The following MCM9 variants were observed in gnomAD, a reference collection of about 807,000 sequenced individuals.
MCM9 encodes the protein minichromosome maintenance 9 homologous recombination repair factor, also known as DNA helicase MCM9.
A neutral mutation model predicts 72.8 loss-of-function variants in MCM9; 55 were observed. That is an observed-to-expected ratio of 0.76 (90% CI 0.61 to 0.95). MCM9 has a LOEUF of 0.95. MCM9 is among the 40% of genes least tolerant of loss of function. MCM9 has a pLI of 0.00. For missense variants in MCM9, 1,279 were observed against 1,377.0 expected (o/e 0.93, Z 1.13); for synonymous variants, 480 against 503.4 (o/e 0.95, Z 0.62).
At chr6:118,828,951 C>T (rs921850092) in intron 10 of MCM9, 97 bp downstream of exon 10, 1 of 1,243,352 alleles carries the variant, frequency 8.0e-7, no homozygotes, top group East Asian at 2.5e-5. Flanking sequence ...ACTACATAGC[C>T]TATCTTGGGT....
At chr6:118,905,730 C>T (rs768084349) in intron 8 of MCM9, 2 of 1,613,124 alleles carry the variant, frequency 1.2e-6, no homozygotes, top group South Asian at 1.1e-5. Flanking sequence ...TTGTACCTAT[C>T]GAGGACAAGA....
chr6:118,908,972 CAA>C (rs1360700023), intron 8 of MCM9: 2 of 152,522 alleles, frequency 1.3e-5, no homozygotes, highest in African/African-American at 4.8e-5. Context: ...ATTTGTGAAG[CAA>C]AGTTTTGCCA....
chr6:118,934,212 A>C (rs553446907), intron 1 of MCM9, among the ~76,000 whole-genome samples: 75 of 152,220 alleles, frequency 4.9e-4, no homozygotes, highest in Non-Finnish European at 8.2e-4. Context: ...ACATCTATGC[A>C]AAACTGACTA....
Position 118,931,411 on chromosome 6 carries a change from G to A in MCM9, c.304+9C>T, listed in dbSNP as rs763107977. On this transcript the variant is annotated intron_variant, in intron 3 of 13. Coordinates refer to ENST00000619706, the MANE Select transcript of MCM9 (RefSeq NM_017696.3). ...GATAGCATGGCAGTAAAATCCTTAA[G>A]TGATTTACCTGATATCCTGGCATGA... The A allele has an allele frequency of 1.3e-6, 2 of 1,599,126 alleles. No homozygotes were observed. The highest frequency in any genetic ancestry group is 1.7e-6 in the Non-Finnish European group (2 of 1,168,932).
intron 8 of MCM9, among the ~76,000 whole-genome samples, chr6:118,910,116 C>CAAAA (rs67533661): frequency 3.6e-5 from 4 of 110,766 alleles, no homozygotes; most frequent in African/African-American, 1.3e-4. Flanking sequence ...GACTCTATCT[C>CAAAA]AAAAAAAAAA....
rs537521668 is a variant in MCM9 at position 118,833,203 on chromosome 6, C to T, written c.1326-3953G>A. ...TGACACGAACAAGAAAAACTTCCTT[C>T]GGCAAAGCATTGCAGGCACGTGGTG... On this transcript the variant is annotated intron_variant, in intron 9 of 13. Transcript: ENST00000619706. Among the ~76,000 whole-genome samples the T allele has an allele frequency of 5.9e-5, 9 of 152,222 alleles. No individual in the cohort carries two copies. The South Asian group carries it at 8.3e-4, about 14-fold the overall frequency.
At chr6:118,888,524 G>A (rs1481132309) in intron 8 of MCM9, among the ~76,000 whole-genome samples, 2 of 151,832 alleles carry the variant, frequency 1.3e-5, no homozygotes, top group Non-Finnish European at 2.9e-5. Context: ...CAGTCTGGTA[G>A]CTCCTAAAAA....
chr6:118,867,407 C>T (rs999908154), intron 8 of MCM9, among the ~76,000 whole-genome samples: 1 of 152,132 alleles, frequency 6.6e-6, no homozygotes, highest in Non-Finnish European at 1.5e-5. Flanking sequence ...CTCCGTTAGT[C>T]ATATAAAAGT....
At chr6:118,866,040 A>G (rs966026668) in intron 8 of MCM9, among the ~76,000 whole-genome samples, 1 of 152,214 alleles carries the variant, frequency 6.6e-6, no homozygotes, top group African/African-American at 2.4e-5. Flanking sequence ...CACATAGCCA[A>G]CACCCCAATC....
intron 8 of MCM9, among the ~76,000 whole-genome samples, chr6:118,901,211 T>TG (rs1779780108): frequency 6.6e-6 from 1 of 152,292 alleles, no homozygotes; most frequent in East Asian, 1.9e-4. Flanking sequence ...ACTTCCAAGG[T>TG]GGCTGTCTAG....
intron 8 of MCM9, chr6:118,911,149 A>G (rs1359769073): frequency 1.2e-5 from 12 of 985,344 alleles, no homozygotes; most frequent in Non-Finnish European, 1.2e-5. Context: ...AAGAATCATT[A>G]CAACTTATGA....
chr6:118,849,011 T>C (rs1776062043), intron 9 of MCM9, among the ~76,000 whole-genome samples: 1 of 151,848 alleles, frequency 6.6e-6, no homozygotes, highest in African/African-American at 2.4e-5. Flanking sequence ...AGCATATTGA[T>C]TATACCAATA....
chr6:118,933,332 C>G (rs1245882805), intron 1 of MCM9, among the ~76,000 whole-genome samples: 7 of 151,706 alleles, frequency 4.6e-5, no homozygotes, highest in Non-Finnish European at 4.4e-5. Context: ...ATCCCGTTCT[C>G]TACTAAAAAA....
At chr6:118,843,705 T>C (rs1414712982) in intron 9 of MCM9, among the ~76,000 whole-genome samples, 1 of 81,776 alleles carries the variant, frequency 1.2e-5, no homozygotes, top group Non-Finnish European at 2.2e-5. Context: ...TATATATATG[T>C]ATGTATATAT....
chr6:118,910,834 TTA>T, intron 8 of MCM9: 2 of 985,426 alleles, frequency 2.0e-6, no homozygotes, highest in East Asian at 2.3e-4. Context: ...TACAGGACCA[TTA>T]ATTGGCCATT....
At chr6:118,874,185 G>A (rs1777791555) in intron 8 of MCM9, among the ~76,000 whole-genome samples, 1 of 152,076 alleles carries the variant, frequency 6.6e-6, no homozygotes, top group Non-Finnish European at 1.5e-5. Context: ...AACCTGGAAG[G>A]CAGAGGTTGC....
chr6:118,840,736 C>G (rs1351282566), intron 9 of MCM9, among the ~76,000 whole-genome samples: 1 of 103,374 alleles, frequency 9.7e-6, no homozygotes, highest in Non-Finnish European at 1.9e-5. Flanking sequence ...CTCTCCTCCC[C>G]CCCCCCTTTT....
chr6:118,885,664 A>T (rs1257012600), intron 8 of MCM9, among the ~76,000 whole-genome samples: 1 of 152,232 alleles, frequency 6.6e-6, no homozygotes, highest in African/African-American at 2.4e-5. Context: ...AGGCAATATT[A>T]GTAATAATAG....
chr6:118,821,679 T>C (rs532780950), intron 13 of MCM9, among the ~76,000 whole-genome samples: 67 of 152,334 alleles, frequency 4.4e-4, no homozygotes, highest in Middle Eastern at 3.4e-3. Flanking sequence ...TCTTGCTAAG[T>C]TGGGGAAGTT....
Sources: allele counts gnomAD v4.1 joint callset (sites outside exome capture counted in the v4.1 genomes callset), GRCh38; gene constraint gnomAD v4.1.1; transcripts MANE v1.5; gene names NCBI Gene and HGNC (gene_info 2026-07-23, HGNC 2026-07-21).